MOSPD2: variants seen among roughly 807,000 people sequenced by gnomAD.
The protein encoded by MOSPD2 is motile sperm domain-containing protein 2.
MOSPD2 carries 5 observed loss-of-function variants against 41.7 expected under a neutral mutation model. The observed-to-expected ratio is 0.12, with a 90% CI of 0.06 to 0.25. The LOEUF is 0.25. MOSPD2 is among the 10% of genes least tolerant of loss of function. MOSPD2 has a pLI of 1.00. For missense variants in MOSPD2, 282 were observed against 375.2 expected (o/e 0.75, Z 2.05); for synonymous variants, 115 against 126.9 (o/e 0.91, Z 0.63).
intron 8 of MOSPD2, 134 bp downstream of exon 8, chrX:14,909,118 T>C (rs2092587246): frequency 2.3e-6 from 1 of 426,196 alleles, no homozygotes; most frequent in Non-Finnish European, 3.5e-6. Context: ...AAATAGCAAG[T>C]AGTGTTACAC....
Position 14,919,881 on chromosome X carries a change from A to G in MOSPD2, c.*72A>G. On this transcript the variant is annotated 3_prime_UTR_variant, in exon 15 of 15. Coordinates refer to ENST00000380492, the MANE Select transcript of MOSPD2 (RefSeq NM_152581.4). ...GAAAAAGTAACAGACCTAAAACTCT[A>G]CCAAGCTACTAAAAACATTGCACAT... 1 of 1,140,982 alleles carries G rather than the reference A, an allele frequency of 8.8e-7. No homozygotes were observed. The highest frequency in any genetic ancestry group is 1.2e-6 in the Non-Finnish European group (1 of 862,958). 94.0% of individuals were successfully genotyped at this position (1,140,982 alleles called of 1,213,427 possible). A position where few individuals can be genotyped will look rare whatever the true frequency, so the allele number is the denominator to read the frequency against.
rs773037459 is a variant in MOSPD2, at chrX:14,915,660, A to G, written c.1090-8A>G. 1 of 1,198,485 alleles carries G rather than the reference A, an allele frequency of 8.3e-7. No homozygotes were observed. The highest frequency in any genetic ancestry group is 1.1e-6 in the Non-Finnish European group (1 of 885,508). On this transcript the variant is annotated splice_polypyrimidine_tract_variant and splice_region_variant and intron_variant, in intron 11 of 14. Coordinates refer to ENST00000380492, the MANE Select transcript of MOSPD2 (RefSeq NM_152581.4). ...AGGTTGTTATGTGACTACTGTGTTT[A>G]TAAATAGGTGAGAACAACAGCTCCA...
intron 5 of MOSPD2, among the ~76,000 whole-genome samples, chrX:14,898,681 C>A (rs890881059): frequency 1.9e-4 from 21 of 111,101 alleles, no homozygotes; most frequent in Non-Finnish European, 1.5e-4. Flanking sequence ...AATTATTAAC[C>A]CAGAATCATG....
intron 2 of MOSPD2, among the ~76,000 whole-genome samples, chrX:14,885,767 A>T (rs770399003): frequency 2.9e-4 from 31 of 107,016 alleles, no homozygotes; most frequent in African/African-American, 9.4e-4. Flanking sequence ...TCCTTTTATT[A>T]AAAAAAAAAC....
intron 6 of MOSPD2, among the ~76,000 whole-genome samples, chrX:14,902,099 T>C (rs1017471448): frequency 9.0e-6 from 1 of 111,311 alleles, no homozygotes; most frequent in African/African-American, 3.3e-5. Context: ...TATTATATCT[T>C]AAAATCTTGA....
chrX:14,887,542 G>A (rs1264774260), intron 2 of MOSPD2, among the ~76,000 whole-genome samples: 5 of 111,249 alleles, frequency 4.5e-5, no homozygotes, highest in African/African-American at 6.5e-5. Flanking sequence ...TATCCTGAAT[G>A]TGGCCAGAAA....
In MOSPD2 at chrX:14,900,681, T is replaced by C. The variant is rs757746827; in HGVS notation, c.538+46T>C. Reference sequence around the variant, plus strand: ...TAAAAAATATAACATATTGAAACTGTAGACAATGTCTGAGAATTGTGGAGC... The same window carrying C: ...TAAAAAATATAACATATTGAAACTGCAGACAATGTCTGAGAATTGTGGAGC... On this transcript the variant is annotated intron_variant, in intron 6 of 14. Coordinates refer to ENST00000380492, the MANE Select transcript of MOSPD2 (RefSeq NM_152581.4). 2.1e-5 allele frequency: 14 copies of C among 679,409 alleles called. No individual in the cohort carries two copies. The African/African-American group carries it at 3.1e-4, about 15-fold the overall frequency. The allele number at this position is 679,409 out of a possible 1,213,427, so 56.0% of individuals were successfully genotyped here. A position where few individuals can be genotyped will look rare whatever the true frequency, so the allele number is the denominator to read the frequency against.
At position 14,920,622 on chromosome X, in the gene MOSPD2, T is replaced by A. The variant is rs2092607917; in HGVS notation, c.*813T>A. 1 of 753,755 alleles carries A rather than the reference T, an allele frequency of 1.3e-6. No homozygotes were observed. The highest frequency in any genetic ancestry group is 1.5e-4 in the East Asian group (1 of 6,659). The allele number at this position is 753,755 out of a possible 1,213,427, so 62.1% of individuals were successfully genotyped here. ...CTGGACACTGAACCTTTTGCCTAAT[T>A]TATTATAAAGGCCTGACCCTCTATT... On this transcript the variant is annotated 3_prime_UTR_variant, in exon 15 of 15. Coordinates refer to ENST00000380492, the MANE Select transcript of MOSPD2 (RefSeq NM_152581.4).
In MOSPD2 at chrX:14,882,677, T is replaced by C. The variant is rs149160661; in HGVS notation, c.79+8919T>C. 2.4e-3 allele frequency among the ~76,000 whole-genome samples: 269 copies of C among 112,163 alleles called. 4 individuals are homozygous for C. In the East Asian group the frequency reaches 0.046, roughly 19 times the overall value. On this transcript the variant is annotated intron_variant, in intron 2 of 14. Coordinates refer to ENST00000380492, the MANE Select transcript of MOSPD2 (RefSeq NM_152581.4). ...ATTACATATCTAAAAATATCAAGAC[T>C]GCTTTGGAGAATATCAGATTGTAAC... is the stretch of plus-strand genomic sequence containing the variant.
Position 14,919,840 on chromosome X carries a change from C to T in MOSPD2, c.*31C>T. The T allele has an allele frequency of 8.4e-7, 1 of 1,185,206 alleles. No homozygotes were observed. Among genetic ancestry groups the T allele is most frequent in the Non-Finnish European group, 1.1e-6 (1 of 882,471 alleles). On this transcript the variant is annotated 3_prime_UTR_variant, in exon 15 of 15. Coordinates refer to ENST00000380492, the MANE Select transcript of MOSPD2 (RefSeq NM_152581.4). ...TGGTGCCGGGTAGGAACCACGGTTC[C>T]TTCGTCCATTAGTTGGAAAAAGTAA...
chrX:14,899,606 A>ACACACACACACAC (rs1569103813), intron 5 of MOSPD2, among the ~76,000 whole-genome samples: 7 of 105,599 alleles, frequency 6.6e-5, no homozygotes, highest in Admixed American at 1.0e-4. Flanking sequence ...ACACACACAC[A>ACACACACACACAC]AAGGTATTAT....
Position 14,920,104 on chromosome X carries a change from T to A in MOSPD2, c.*295T>A, listed in dbSNP as rs1366390020. On this transcript the variant is annotated 3_prime_UTR_variant, in exon 15 of 15. Coordinates refer to ENST00000380492, the MANE Select transcript of MOSPD2 (RefSeq NM_152581.4). ...TATTTTTTCCTTTTGATCTGAATAC[T>A]TTTAAAGCTTAAGTTTTATCGTGTA... is the stretch of plus-strand genomic sequence containing the variant. 9.4e-6 allele frequency: 7 copies of A among 742,291 alleles called. No homozygotes were observed. In the African/African-American group the frequency reaches 1.4e-4, roughly 14 times the overall value. The allele number at this position is 742,291 out of a possible 1,213,427, so 61.2% of individuals were successfully genotyped here. A position where few individuals can be genotyped will look rare whatever the true frequency, so the allele number is the denominator to read the frequency against.
intron 2 of MOSPD2, among the ~76,000 whole-genome samples, chrX:14,889,820 G>A (rs1368384787): frequency 8.9e-6 from 1 of 111,804 alleles, no homozygotes; most frequent in Admixed American, 9.5e-5. Flanking sequence ...AAATTTCTTA[G>A]TAATGGACAT....
intron 4 of MOSPD2, among the ~76,000 whole-genome samples, chrX:14,895,867 T>C (rs1221109830): frequency 2.7e-5 from 3 of 110,463 alleles, no homozygotes; most frequent in Admixed American, 1.9e-4. Flanking sequence ...CTGTTATACC[T>C]CTCTCCCACT....
chrX:14,892,629 T>G (rs1033669610), intron 2 of MOSPD2, 94 bp from the exon 3 acceptor site: 4 of 673,435 alleles, frequency 5.9e-6, no homozygotes, highest in Non-Finnish European at 9.1e-6. Flanking sequence ...AGCTTAACTT[T>G]GTCTTGGAAG....
At chrX:14,874,607 T>C (rs2092516179) in intron 2 of MOSPD2, among the ~76,000 whole-genome samples, 1 of 111,604 alleles carries the variant, frequency 9.0e-6, no homozygotes, top group Non-Finnish European at 1.9e-5. Flanking sequence ...TAAAATATAG[T>C]GGATTCTCAG....
At chrX:14,877,044 T>G (rs2092521722) in intron 2 of MOSPD2, among the ~76,000 whole-genome samples, 1 of 111,706 alleles carries the variant, frequency 9.0e-6, no homozygotes, top group Non-Finnish European at 1.9e-5. Flanking sequence ...GTATGGGGCA[T>G]GTTCCAAAGT....
chrX:14,901,262 C>T (rs1456705286), intron 6 of MOSPD2, among the ~76,000 whole-genome samples: 2 of 111,126 alleles, frequency 1.8e-5, no homozygotes, highest in Non-Finnish European at 3.8e-5. Flanking sequence ...GATGGGTTCA[C>T]CCTAGGGAAG....
Position 14,920,004 on chromosome X carries a change from T to C in MOSPD2, c.*195T>C. On this transcript the variant is annotated 3_prime_UTR_variant, in exon 15 of 15. Transcript: ENST00000380492. ...ATAAAGAAATGCTGGAGAAATTGATTATAAGAGACTATAGCTATTTAGTAA... is the reference window on the plus strand; with the variant it reads ...ATAAAGAAATGCTGGAGAAATTGATCATAAGAGACTATAGCTATTTAGTAA... 1 of 941,673 alleles carries C rather than the reference T, an allele frequency of 1.1e-6. No homozygotes were observed. The highest frequency in any genetic ancestry group is 2.0e-5 in the African/African-American group (1 of 49,847). 77.6% of individuals were successfully genotyped at this position (941,673 alleles called of 1,213,427 possible).
Sources: gnomAD v4.1 joint callset for allele counts (sites outside exome capture counted in the v4.1 genomes callset) on GRCh38, gnomAD v4.1.1 for gene constraint, MANE v1.5 for transcripts, NCBI Gene and HGNC (gene_info 2026-07-23, HGNC 2026-07-21) for gene names.